Variants in ADAR observed in about 807,000 individuals in gnomAD.
The protein encoded by ADAR is double-stranded RNA-specific adenosine deaminase.
A neutral mutation model predicts 113.2 loss-of-function variants in ADAR; 41 were observed. That is an observed-to-expected ratio of 0.36 (90% confidence interval 0.28 to 0.47). The LOEUF (loss-of-function observed/expected upper bound fraction) is 0.47. ADAR is among the 20% of genes least tolerant of loss of function. The pLI is 1.00. For missense variants in ADAR, 1,242 were observed against 1,540.9 expected (o/e 0.81, Z 3.25); for synonymous variants, 605 against 572.6 (o/e 1.06, Z -0.81).
At chr1:154,592,643 G>A (rs954889674) in intron 6 of ADAR, among the ~76,000 whole-genome samples, 2 of 152,080 alleles carry the variant, frequency 1.3e-5, no homozygotes, top group African/African-American at 2.4e-5. Context: ...TGATCCTCAG[G>A]TTTCTGACTT....
At position 154,597,928 on chromosome 1, in the gene ADAR, C is replaced by T; in HGVS notation, c.1834G>A (p.Gly612Arg). ...AGCAGTGTGGTGACGGGGCTCTTCC[C>T]AGAAAAGAAGGATGTGGCTGAAGGG... ...PTPSATSFFS[G>R]KSPVTTLLEC... Residue 612 changes from glycine (G) to arginine (R), a missense_variant, in exon 4 of 15, where the codon GGG becomes AGG. Gly to Arg is a moderately radical substitution (Grantham distance 125). Around this residue, in one of 2 missense-constraint regions of ADAR, gnomAD observed 780 missense variants for 1,057.9 expected, o/e 0.74. Transcript: ENST00000368474. The T allele has an allele frequency of 6.2e-7, 1 of 1,614,014 alleles. No individual in the cohort carries two copies. Among genetic ancestry groups the T allele is most frequent in the Non-Finnish European group, 8.5e-7 (1 of 1,180,008 alleles).
chr1:154,589,573 G>T, intron 8 of ADAR, 111 bp from the exon 9 acceptor site: 1 of 1,199,834 alleles, frequency 8.3e-7, no homozygotes. Flanking sequence ...CAGTTTCTCA[G>T]ATCCTAGACT....
intron 1 of ADAR, among the ~76,000 whole-genome samples, chr1:154,624,447 G>A (rs1160518788): frequency 2.0e-5 from 3 of 152,148 alleles, no homozygotes; most frequent in African/African-American, 7.2e-5. Context: ...TGAGGGGGGT[G>A]TAAGTCACAG....
At chr1:154,590,150 C>CT in intron 7 of ADAR, 34 bp downstream of exon 7, 2 of 1,289,372 alleles carry the variant, frequency 1.6e-6, no homozygotes, top group Non-Finnish European at 2.2e-6. Context: ...GACCCCCCCG[C>CT]CCCAAAAAAG....
At chr1:154,594,630 G>A (rs1697379045) in intron 6 of ADAR, among the ~76,000 whole-genome samples, 1 of 152,178 alleles carries the variant, frequency 6.6e-6, no homozygotes, top group South Asian at 2.1e-4. Flanking sequence ...AGTTTCACAA[G>A]AAAGTATAAT....
chr1:154,605,100 C>G (rs1360971486), intron 1 of ADAR, among the ~76,000 whole-genome samples: 3 of 152,198 alleles, frequency 2.0e-5, no homozygotes, highest in Admixed American at 1.3e-4. Context: ...TCTCCTGGAT[C>G]TCATCAGGTA....
At chr1:154,606,940 A>AT in intron 1 of ADAR, among the ~76,000 whole-genome samples, 1 of 46,922 alleles carries the variant, frequency 2.1e-5, no homozygotes, top group Non-Finnish European at 4.5e-5. Flanking sequence ...GTGCTTAAAA[A>AT]AAAAAAAATA....
chr1:154,603,952 G>A (rs1302269886), intron 1 of ADAR, among the ~76,000 whole-genome samples: 1 of 152,070 alleles, frequency 6.6e-6, no homozygotes, highest in East Asian at 1.9e-4. Flanking sequence ...CTGGCTACAA[G>A]GATCCTTAAC....
intron 11 of ADAR, among the ~76,000 whole-genome samples, chr1:154,587,836 G>A (rs538224418): frequency 1.5e-4 from 23 of 152,256 alleles, no homozygotes; most frequent in African/African-American, 5.1e-4. Flanking sequence ...CCTATAGGGG[G>A]ATGACTCCCA....
At chr1:154,594,396 C>T (rs1697365088) in intron 6 of ADAR, among the ~76,000 whole-genome samples, 1 of 152,086 alleles carries the variant, frequency 6.6e-6, no homozygotes, top group Non-Finnish European at 1.5e-5. Flanking sequence ...TAGACATATA[C>T]AGACAATCTT....
At chr1:154,610,835 A>AAAAAAG (rs1698464313), upstream of ADAR, among the ~76,000 whole-genome samples, 1 of 144,848 alleles carries the variant, frequency 6.9e-6, no homozygotes, top group Admixed American at 6.8e-5. Flanking sequence ...AAAAAAAAAA[A>AAAAAAG]AAAAAAGACA....
At chr1:154,617,431 A>C (rs1193184765) in intron 1 of ADAR, among the ~76,000 whole-genome samples, 2 of 152,328 alleles carry the variant, frequency 1.3e-5, no homozygotes, top group South Asian at 2.1e-4. Flanking sequence ...ATTCTGCACG[A>C]AAGTGACCCT....
intron 1 of ADAR, among the ~76,000 whole-genome samples, chr1:154,624,140 A>G (rs1323074441): frequency 6.6e-6 from 1 of 152,260 alleles, no homozygotes; most frequent in African/African-American, 2.4e-5. Flanking sequence ...GCCATGCCTG[A>G]AGCTTGCCTT....
Position 154,608,125 on chromosome 1 carries a change from C to T in ADAR, c.-119G>A. 2.3e-6 allele frequency: 3 copies of T among 1,317,888 alleles called. No individual in the cohort carries two copies. Among genetic ancestry groups the T allele is most frequent in the Non-Finnish European group, 3.0e-6 (3 of 1,003,126 alleles). The allele number at this position is 1,317,888 out of a possible 1,614,324, so 81.6% of individuals were successfully genotyped here. Reference sequence around the variant, plus strand: ...CCGCTACTCCGCACTGGAAGTGGCCCCGGGGCGTCGGCACGGGAAACTCCG... The same window carrying T: ...CCGCTACTCCGCACTGGAAGTGGCCTCGGGGCGTCGGCACGGGAAACTCCG... On this transcript the variant is annotated 5_prime_UTR_variant, in exon 1 of 15. Transcript: ENST00000368474.
intron 1 of ADAR, 123 bp from the exon 2 acceptor site, chr1:154,602,749 G>C (rs1697971270): frequency 1.6e-6 from 2 of 1,244,338 alleles, no homozygotes; most frequent in Non-Finnish European, 2.2e-6. Context: ...TTGAGCCATG[G>C]GCTTATGACT....
At chr1:154,589,319 T>A in intron 9 of ADAR, 50 bp downstream of exon 9, 1 of 1,462,838 alleles carries the variant, frequency 6.8e-7, no homozygotes, top group Non-Finnish European at 9.6e-7. Flanking sequence ...GGCAGGGAAC[T>A]GGAGCTCTCC....
intron 1 of ADAR, among the ~76,000 whole-genome samples, chr1:154,606,810 G>T (rs1316626738): frequency 6.6e-6 from 1 of 151,870 alleles, no homozygotes; most frequent in African/African-American, 2.4e-5. Flanking sequence ...ACATATTTAG[G>T]ATCAAGAGAT....
chr1:154,585,061 C>T lies in ADAR; in HGVS notation c.3444-18G>A. On this transcript the variant is annotated intron_variant, in intron 14 of 14. Coordinates refer to ENST00000368474, the MANE Select transcript of ADAR (RefSeq NM_001111.5). ...TCCGTGGCCTAGAGAAACAAAAGCA[C>T]TCATTATTCACCTGGGACCTGTAAG... 2 of 1,613,066 alleles carry T rather than the reference C, an allele frequency of 1.2e-6. No individual in the cohort carries two copies. The highest frequency in any genetic ancestry group is 8.5e-7 in the Non-Finnish European group (1 of 1,179,374).
At chr1:154,621,718 T>G (rs930714689) in intron 1 of ADAR, among the ~76,000 whole-genome samples, 3 of 151,746 alleles carry the variant, frequency 2.0e-5, no homozygotes, top group Non-Finnish European at 4.4e-5. Flanking sequence ...GAGAGGAGGG[T>G]AGGGTGAGGG....
Sources: gnomAD v4.1 joint callset for allele counts (sites outside exome capture counted in the v4.1 genomes callset) on GRCh38, gnomAD v4.1.1 for gene constraint, gnomAD v4.1.1 regional missense constraint, MANE v1.5 for transcripts, NCBI Gene and HGNC (gene_info 2026-07-23, HGNC 2026-07-21) for gene names.